The following HHLA2 variants were observed in gnomAD, a reference collection of about 807,000 sequenced individuals.
HHLA2 encodes the protein HHLA2 member of B7 family.
In HHLA2, 48 loss-of-function variants were observed where a neutral mutation model predicts 45.9. That is an observed-to-expected ratio of 1.05 (90% confidence interval 0.83 to 1.33). HHLA2 has a LOEUF of 1.33. Among genes scored for constraint, HHLA2 ranks in the 40% most tolerant of loss-of-function variants. HHLA2 has a pLI of 0.00. For synonymous variants in HHLA2, 161 were observed against 173.9 expected (o/e 0.93, Z 0.59); for missense variants, 462 against 494.3 (o/e 0.93, Z 0.62).
chr3:108,341,166 T>G (rs970985839), intron 3 of HHLA2, among the ~76,000 whole-genome samples: 1 of 152,052 alleles, frequency 6.6e-6, no homozygotes, highest in Non-Finnish European at 1.5e-5. Flanking sequence ...TTGGCCAGGC[T>G]GGTGTCGAAC....
chr3:108,330,509 A>G (rs1429064247), intron 3 of HHLA2, among the ~76,000 whole-genome samples: 1 of 152,220 alleles, frequency 6.6e-6, no homozygotes, highest in African/African-American at 2.4e-5. Flanking sequence ...AGTTAACCAC[A>G]AAAGAGATTA....
chr3:108,314,790 T>G (rs1403304290), intron 2 of HHLA2, among the ~76,000 whole-genome samples: 1 of 152,226 alleles, frequency 6.6e-6, no homozygotes, highest in African/African-American at 2.4e-5. Context: ...ATTATCATAT[T>G]ATAAGTCATC....
intron 6 of HHLA2, among the ~76,000 whole-genome samples, chr3:108,357,425 A>T (rs2081912755): frequency 6.6e-6 from 1 of 152,230 alleles, no homozygotes; most frequent in Non-Finnish European, 1.5e-5. Context: ...TAGTGAGGCC[A>T]TAAAAGTTAG....
chr3:108,363,281 A>G (rs1376690155), intron 8 of HHLA2, among the ~76,000 whole-genome samples: 1 of 152,178 alleles, frequency 6.6e-6, no homozygotes, highest in African/African-American at 2.4e-5. Flanking sequence ...TTAAGTGCCA[A>G]GTAGGCATGT....
intron 3 of HHLA2, among the ~76,000 whole-genome samples, chr3:108,336,006 T>A (rs2081466402): frequency 6.6e-6 from 1 of 151,954 alleles, no homozygotes; most frequent in Non-Finnish European, 1.5e-5. Flanking sequence ...GGGAACAGCA[T>A]TCTCTTTTCC....
chr3:108,310,296 T>C (rs928415110), intron 1 of HHLA2, among the ~76,000 whole-genome samples: 1 of 152,166 alleles, frequency 6.6e-6, no homozygotes, highest in Non-Finnish European at 1.5e-5. Context: ...AAAAAGCAAT[T>C]ATACATTTTA....
chr3:108,300,907 A>C (rs1398537809), intron 1 of HHLA2, among the ~76,000 whole-genome samples: 1 of 152,216 alleles, frequency 6.6e-6, no homozygotes, highest in East Asian at 1.9e-4. Context: ...GAGAGTAATC[A>C]AAAATGACTA....
chr3:108,305,286 G>A (rs1276640849), intron 1 of HHLA2, among the ~76,000 whole-genome samples: 1 of 152,120 alleles, frequency 6.6e-6, no homozygotes, highest in Non-Finnish European at 1.5e-5. Context: ...AAGGGAAGAT[G>A]GGCAGCTTTG....
At chr3:108,304,328 G>A (rs2080894015) in intron 1 of HHLA2, among the ~76,000 whole-genome samples, 1 of 152,200 alleles carries the variant, frequency 6.6e-6, no homozygotes, top group Non-Finnish European at 1.5e-5. Flanking sequence ...CTGAAGGCTA[G>A]AAGTCCAAAA....
intron 1 of HHLA2, among the ~76,000 whole-genome samples, chr3:108,309,850 G>A (rs911711786): frequency 6.6e-6 from 1 of 152,052 alleles, no homozygotes; most frequent in Non-Finnish European, 1.5e-5. Context: ...TCAAGGGGAG[G>A]GAAATTAAGC....
chr3:108,345,790 G>T (rs533764734), intron 3 of HHLA2, among the ~76,000 whole-genome samples: 10 of 152,326 alleles, frequency 6.6e-5, no homozygotes, highest in African/African-American at 2.4e-4. Flanking sequence ...TTTGGCTTTC[G>T]TAGTGCTTTT....
At position 108,307,280 on chromosome 3, in the gene HHLA2, G is replaced by C. The variant is rs2080945640; in HGVS notation, c.-191-3375G>C. Among the ~76,000 whole-genome samples, 2 of 151,998 alleles carry C rather than the reference G, an allele frequency of 1.3e-5. 1 individual carries two copies. Among genetic ancestry groups the C allele is most frequent in the South Asian group, 4.2e-4 (2 of 4,806 alleles). ...GTTGTGCTTTTTCATTTGGTTCTGA[G>C]TAATAACCATTTTTATGTTAGAATA... On this transcript the variant is annotated intron_variant, in intron 1 of 10. Coordinates refer to ENST00000619531, the Ensembl canonical transcript of HHLA2.
intron 8 of HHLA2, among the ~76,000 whole-genome samples, chr3:108,366,297 G>C (rs981221822): frequency 4.6e-5 from 7 of 152,210 alleles, no homozygotes; most frequent in African/African-American, 1.7e-4. Context: ...ATTTGCATAT[G>C]TTGAACCAGC....
chr3:108,368,674 A>G (rs954265981), intron 8 of HHLA2, among the ~76,000 whole-genome samples: 2 of 152,104 alleles, frequency 1.3e-5, no homozygotes, highest in African/African-American at 4.8e-5. Context: ...TGCAACAAGA[A>G]GAGCTAACTA....
chr3:108,348,850 C>T (rs1207253965), intron 3 of HHLA2, among the ~76,000 whole-genome samples: 1 of 151,638 alleles, frequency 6.6e-6, no homozygotes, highest in African/African-American at 2.4e-5. Flanking sequence ...TCCCTGTGTC[C>T]ATGTTCCACT....
At chr3:108,298,377 T>C (rs1339678060) in intron 1 of HHLA2, among the ~76,000 whole-genome samples, 1 of 152,244 alleles carries the variant, frequency 6.6e-6, no homozygotes, top group Non-Finnish European at 1.5e-5. Context: ...GGTTCTCCTT[T>C]CTAACACAAT....
At chr3:108,369,308 A>C (rs2082123173) in intron 8 of HHLA2, among the ~76,000 whole-genome samples, 1 of 152,160 alleles carries the variant, frequency 6.6e-6, no homozygotes, top group Admixed American at 6.5e-5. Flanking sequence ...ATCACAATGA[A>C]AAAAACTAGA....
chr3:108,359,278 A>G (rs186515611), intron 7 of HHLA2, among the ~76,000 whole-genome samples: 1 of 152,212 alleles, frequency 6.6e-6, no homozygotes, highest in Admixed American at 6.5e-5. Flanking sequence ...GTGAAACATC[A>G]GGACCATTCC....
chr3:108,344,795 C>T (rs2081633912), intron 3 of HHLA2, among the ~76,000 whole-genome samples: 1 of 152,186 alleles, frequency 6.6e-6, no homozygotes, highest in South Asian at 2.1e-4. Flanking sequence ...GTTTTCTTGG[C>T]TTTGCAGCAT....
Sources: allele counts gnomAD v4.1 joint callset (sites outside exome capture counted in the v4.1 genomes callset), GRCh38; gene constraint gnomAD v4.1.1; transcripts MANE v1.5; gene names NCBI Gene and HGNC (gene_info 2026-07-23, HGNC 2026-07-21).